PRORP: variants seen among roughly 807,000 people sequenced by gnomAD.
PRORP encodes protein only RNase P catalytic subunit, also known as mitochondrial ribonuclease P catalytic subunit.
Under a neutral mutation model 59.4 loss-of-function variants are expected in PRORP, and 51 were observed. That is an observed-to-expected ratio of 0.86 (90% CI 0.69 to 1.08). PRORP has a LOEUF of 1.08. Among genes scored for constraint, PRORP ranks in the 50% least tolerant of loss-of-function variants. The pLI, the probability that PRORP is intolerant of heterozygous loss-of-function variation, is 0.00. For missense variants in PRORP, 646 were observed against 690.3 expected (o/e 0.94, Z 0.72); for synonymous variants, 231 against 245.6 (o/e 0.94, Z 0.55).
chr14:35,207,600 A>G (rs2049326832), intron 5 of PRORP, among the ~76,000 whole-genome samples: 1 of 152,210 alleles, frequency 6.6e-6, no homozygotes, highest in Admixed American at 6.5e-5. Context: ...AACAAAGTTT[A>G]AAGAATGTGT....
chr14:35,234,834 A>G (rs1266502165), intron 5 of PRORP, among the ~76,000 whole-genome samples: 5 of 151,760 alleles, frequency 3.3e-5, no homozygotes, highest in African/African-American at 1.2e-4. Context: ...ACACACCACC[A>G]TGCCCAACTA....
chr14:35,184,020 C>T (rs899757022), intron 5 of PRORP, among the ~76,000 whole-genome samples: 8 of 151,982 alleles, frequency 5.3e-5, no homozygotes, highest in African/African-American at 1.9e-4. Flanking sequence ...AAGAGATTTC[C>T]AGACTTTTTG....
At chr14:35,128,301 G>T (rs1482905079) in intron 4 of PRORP, among the ~76,000 whole-genome samples, 5 of 145,324 alleles carry the variant, frequency 3.4e-5, no homozygotes, top group Non-Finnish European at 3.0e-5. Flanking sequence ...TGTTTTTTGG[G>T]TTTTTTTTTT....
intron 5 of PRORP, among the ~76,000 whole-genome samples, chr14:35,214,531 T>G (rs967105224): frequency 1.2e-4 from 18 of 152,218 alleles, no homozygotes; most frequent in Non-Finnish European, 2.5e-4. Flanking sequence ...TCTGACTTCT[T>G]AAGCAGCAGG....
intron 5 of PRORP, among the ~76,000 whole-genome samples, chr14:35,236,096 CAAAAAAAAAA>C (rs59458917): frequency 3.2e-5 from 2 of 62,450 alleles, no homozygotes; most frequent in African/African-American, 5.7e-5. Flanking sequence ...ACCCCATCTC[CAAAAAAAAAA>C]AAAAAAAAAA....
At chr14:35,125,092 C>G (rs2047065867) in intron 2 of PRORP, among the ~76,000 whole-genome samples, 1 of 151,948 alleles carries the variant, frequency 6.6e-6, no homozygotes, top group Non-Finnish European at 1.5e-5. Context: ...CTCGAACTAC[C>G]TCAGGTGATC....
At chr14:35,194,904 A>G (rs1218020918) in intron 5 of PRORP, among the ~76,000 whole-genome samples, 1 of 152,202 alleles carries the variant, frequency 6.6e-6, no homozygotes, top group Non-Finnish European at 1.5e-5. Flanking sequence ...TTATAATTGT[A>G]AAGAAAATCG....
At chr14:35,232,634 A>G (rs1368709985) in intron 5 of PRORP, among the ~76,000 whole-genome samples, 1 of 152,126 alleles carries the variant, frequency 6.6e-6, no homozygotes, top group Non-Finnish European at 1.5e-5. Flanking sequence ...AGAGCATGGT[A>G]AAATCTGGCA....
At chr14:35,247,040 A>G (rs2050504422) in intron 5 of PRORP, among the ~76,000 whole-genome samples, 1 of 152,186 alleles carries the variant, frequency 6.6e-6, no homozygotes, top group Non-Finnish European at 1.5e-5. Flanking sequence ...TTTCTACTTT[A>G]CCAATGATGA....
chr14:35,218,474 A>G (rs1447410382), intron 5 of PRORP, among the ~76,000 whole-genome samples: 1 of 146,090 alleles, frequency 6.8e-6, no homozygotes, highest in South Asian at 2.1e-4. Context: ...AAAGAAAAAA[A>G]AAAAAAAAAA....
chr14:35,208,599 G>A (rs2049354821), intron 5 of PRORP, among the ~76,000 whole-genome samples: 1 of 152,182 alleles, frequency 6.6e-6, no homozygotes, highest in Non-Finnish European at 1.5e-5. Context: ...GCCGGGCATG[G>A]TGGCTCACAC....
intron 5 of PRORP, among the ~76,000 whole-genome samples, chr14:35,231,115 T>C (rs1165554137): frequency 1.3e-5 from 2 of 152,198 alleles, no homozygotes; most frequent in East Asian, 3.8e-4. Flanking sequence ...TGGTTTCTTT[T>C]GGAGTTTGAG....
intron 4 of PRORP, among the ~76,000 whole-genome samples, chr14:35,174,733 ATTCTTCTTTTTTTTT>A (rs746289902): frequency 2.5e-4 from 35 of 142,834 alleles, no homozygotes; most frequent in African/African-American, 8.4e-4. Flanking sequence ...TTGACAGTTC[ATTCTTCTTTTTTTTT>A]TCTTTTTTTT....
intron 5 of PRORP, among the ~76,000 whole-genome samples, chr14:35,183,109 C>T (rs2048656025): frequency 6.6e-6 from 1 of 151,986 alleles, no homozygotes. Context: ...TAGAATTGCT[C>T]TATTTATATT....
intron 4 of PRORP, among the ~76,000 whole-genome samples, chr14:35,172,430 TTCCTTCC>T: frequency 1.9e-5 from 2 of 106,968 alleles, no homozygotes; most frequent in Admixed American, 1.1e-4. Context: ...CCTTCCTTCC[TTCCTTCC>T]TTCCTTCCTT....
At chr14:35,183,143 A>G (rs1241398969) in intron 5 of PRORP, among the ~76,000 whole-genome samples, 1 of 152,128 alleles carries the variant, frequency 6.6e-6, no homozygotes, top group Non-Finnish European at 1.5e-5. Context: ...AAAATTATCC[A>G]TGTATAGATA....
At chr14:35,264,473 G>T (rs1380701436) in intron 5 of PRORP, among the ~76,000 whole-genome samples, 2 of 151,448 alleles carry the variant, frequency 1.3e-5, no homozygotes, top group African/African-American at 4.9e-5. Context: ...GTCCAGGCTG[G>T]TCTAAAACTT....
intron 5 of PRORP, among the ~76,000 whole-genome samples, chr14:35,218,334 A>G (rs2049660833): frequency 6.6e-6 from 1 of 151,482 alleles, no homozygotes; most frequent in South Asian, 2.1e-4. Flanking sequence ...GGTGGTGTGC[A>G]CTTGTAGTCC....
At chr14:35,230,124 C>T (rs1179152957) in intron 5 of PRORP, among the ~76,000 whole-genome samples, 2 of 146,974 alleles carry the variant, frequency 1.4e-5, no homozygotes, top group East Asian at 2.0e-4. Flanking sequence ...GCAATCTCTG[C>T]TCACTGCAAC....
Sources: allele counts gnomAD v4.1 joint callset (sites outside exome capture counted in the v4.1 genomes callset), GRCh38; gene constraint gnomAD v4.1.1; transcripts MANE v1.5; gene names NCBI Gene and HGNC (gene_info 2026-07-23, HGNC 2026-07-21).